The following LRRTM4 variants were observed in gnomAD, a reference collection of about 807,000 sequenced individuals.
LRRTM4 encodes the protein leucine rich repeat transmembrane neuronal 4.
A neutral mutation model predicts 47.6 loss-of-function variants in LRRTM4; 25 were observed. The ratio of observed to expected loss-of-function variants is 0.53; its 90% CI spans 0.38 to 0.73. LRRTM4 has a LOEUF of 0.73. Ranked by LOEUF, LRRTM4 falls within the 30% of genes least tolerant of loss-of-function variation. The pLI is 0.00. For synonymous variants in LRRTM4, 311 were observed against 269.5 expected (o/e 1.15, Z -1.51); for missense variants, 638 against 713.4 (o/e 0.89, Z 1.20).
intron 3 of LRRTM4, among the ~76,000 whole-genome samples, chr2:76,755,039 T>TG (rs1672979429): frequency 6.6e-6 from 1 of 152,140 alleles, no homozygotes; most frequent in Non-Finnish European, 1.5e-5. Context: ...CAATCAGCTT[T>TG]GGTGTGATTT....
intron 3 of LRRTM4, among the ~76,000 whole-genome samples, chr2:77,042,279 A>C (rs1366749930): frequency 6.6e-6 from 1 of 151,698 alleles, no homozygotes; most frequent in Admixed American, 6.6e-5. Context: ...ATAGTTAAGA[A>C]AAAATAGAAA....
In LRRTM4 at chr2:77,341,225, T is replaced by C. The variant is rs561562784; in HGVS notation, c.1551+177093A>G. ...GGTAGGAAAAATATATCCTCATTCT[T>C]ATTAGATTTCTCTTCTCATGTTCAA... On this transcript the variant is annotated intron_variant, in intron 3 of 3. Transcript: ENST00000409884. Among the ~76,000 whole-genome samples, 467 of 152,104 alleles carry C rather than the reference T, an allele frequency of 3.1e-3. 5 individuals are homozygous for C. The highest frequency in any genetic ancestry group is 0.024 in the Middle Eastern group (7 of 294).
chr2:76,908,129 A>C (rs1673916123), intron 3 of LRRTM4, among the ~76,000 whole-genome samples: 1 of 150,490 alleles, frequency 6.6e-6, no homozygotes, highest in African/African-American at 2.4e-5. Flanking sequence ...GCAGCACATC[A>C]AAAAGCTTAT....
At chr2:77,123,213 C>CAGAGAG (rs56149151) in intron 3 of LRRTM4, among the ~76,000 whole-genome samples, 51,276 of 142,700 alleles carry the variant, frequency 0.36, 9,543 homozygotes, top group East Asian at 0.55. Flanking sequence ...TTCAGTCTCA[C>CAGAGAG]AGAGAGAGAG....
chr2:76,793,781 G>C (rs1032839645), intron 3 of LRRTM4, among the ~76,000 whole-genome samples: 2 of 152,070 alleles, frequency 1.3e-5, no homozygotes, highest in African/African-American at 4.8e-5. Context: ...TGAGATCCAG[G>C]AGGCAAAGTG....
At chr2:76,915,437 T>A (rs1425062207) in intron 3 of LRRTM4, among the ~76,000 whole-genome samples, 2 of 152,198 alleles carry the variant, frequency 1.3e-5, no homozygotes, top group Non-Finnish European at 2.9e-5. Context: ...CAAAGATTGT[T>A]TTCTTTATCC....
intron 3 of LRRTM4, among the ~76,000 whole-genome samples, chr2:77,135,523 A>G (rs974415030): frequency 6.6e-6 from 1 of 152,230 alleles, no homozygotes; most frequent in African/African-American, 2.4e-5. Context: ...AGTGCTATGT[A>G]TACAATAAAA....
At chr2:77,473,178 T>G (rs1228446803) in intron 3 of LRRTM4, among the ~76,000 whole-genome samples, 2 of 152,114 alleles carry the variant, frequency 1.3e-5, no homozygotes, top group Non-Finnish European at 2.9e-5. Flanking sequence ...TCCTGGATTG[T>G]CTGAGTAATC....
chr2:76,798,491 G>A (rs375289729), intron 3 of LRRTM4, among the ~76,000 whole-genome samples: 3 of 148,264 alleles, frequency 2.0e-5, no homozygotes, highest in East Asian at 2.0e-4. Flanking sequence ...GCCCACAAGA[G>A]AAAGCAGGAA....
Position 77,370,478 on chromosome 2 carries a change from C to G in LRRTM4, c.1551+147840G>C, listed in dbSNP as rs907787307. 3.3e-5 allele frequency among the ~76,000 whole-genome samples: 5 copies of G among 151,420 alleles called. No individual in the cohort carries two copies. The Admixed American group carries it at 3.3e-4, about 10-fold the overall frequency. ...ATTTGAGGAAAATAGAGCATTGTTTCATTTCTCAGTGGCTTCACTCATTTT... is the reference window on the plus strand; with the variant it reads ...ATTTGAGGAAAATAGAGCATTGTTTGATTTCTCAGTGGCTTCACTCATTTT... On this transcript the variant is annotated intron_variant, in intron 3 of 3. Coordinates refer to ENST00000409884, the MANE Select transcript of LRRTM4 (RefSeq NM_001134745.3).
At chr2:77,270,421 C>T (rs751907014) in intron 3 of LRRTM4, among the ~76,000 whole-genome samples, 37 of 152,112 alleles carry the variant, frequency 2.4e-4, no homozygotes, top group Non-Finnish European at 4.9e-4. Context: ...GCTTGGTTCT[C>T]CTCCAAATGC....
chr2:77,091,701 T>C (rs974567825), intron 3 of LRRTM4, among the ~76,000 whole-genome samples: 3 of 149,692 alleles, frequency 2.0e-5, no homozygotes, highest in Admixed American at 2.0e-4. Context: ...CTGACACCCA[T>C]CAAGCTCAGC....
intron 3 of LRRTM4, among the ~76,000 whole-genome samples, chr2:77,363,062 C>G (rs1462873436): frequency 6.6e-6 from 1 of 152,112 alleles, no homozygotes; most frequent in Non-Finnish European, 1.5e-5. Context: ...AATAGCTGGT[C>G]TAAGATCAGT....
chr2:76,993,497 T>C (rs1677085922), intron 3 of LRRTM4, among the ~76,000 whole-genome samples: 1 of 151,922 alleles, frequency 6.6e-6, no homozygotes, highest in African/African-American at 2.4e-5. Context: ...CTTACAAACA[T>C]ATGAATAAAT....
intron 3 of LRRTM4, among the ~76,000 whole-genome samples, chr2:76,924,876 CA>C (rs1396044722): frequency 1.3e-5 from 2 of 152,046 alleles, no homozygotes; most frequent in African/African-American, 4.8e-5. Context: ...AATCCAATTT[CA>C]TATAGAATTC....
intron 3 of LRRTM4, among the ~76,000 whole-genome samples, chr2:77,095,175 G>A (rs1340325419): frequency 6.6e-6 from 1 of 152,132 alleles, no homozygotes; most frequent in Non-Finnish European, 1.5e-5. Flanking sequence ...TAATGATCAG[G>A]AAAATGCAAA....
chr2:77,040,331 A>G (rs1402720728), intron 3 of LRRTM4, among the ~76,000 whole-genome samples: 1 of 151,446 alleles, frequency 6.6e-6, no homozygotes, highest in African/African-American at 2.4e-5. Flanking sequence ...GATTTTGACA[A>G]ATGGTGCACA....
intron 3 of LRRTM4, among the ~76,000 whole-genome samples, chr2:77,390,258 A>G (rs1322674926): frequency 6.6e-6 from 1 of 152,088 alleles, no homozygotes; most frequent in Non-Finnish European, 1.5e-5. Context: ...ACAACATTTA[A>G]ACACTATGGA....
chr2:77,173,358 T>C (rs561489956), intron 3 of LRRTM4, among the ~76,000 whole-genome samples: 15 of 152,172 alleles, frequency 9.9e-5, no homozygotes, highest in Non-Finnish European at 2.2e-4. Context: ...TTTGATCTCC[T>C]CATAGAATTA....
Sources: allele counts gnomAD v4.1 joint callset (sites outside exome capture counted in the v4.1 genomes callset), GRCh38; gene constraint gnomAD v4.1.1; transcripts MANE v1.5; gene names NCBI Gene and HGNC (gene_info 2026-07-23, HGNC 2026-07-21).